RHOJ: variants seen among roughly 807,000 people sequenced by gnomAD.
RHOJ encodes ras homolog family member J, also known as rho-related GTP-binding protein RhoJ.
RHOJ carries 11 observed loss-of-function variants against 23.4 expected under a neutral mutation model. That is an observed-to-expected ratio of 0.47 (90% CI 0.30 to 0.78). The LOEUF is 0.78. Among genes scored for constraint, RHOJ ranks in the 30% least tolerant of loss-of-function variants. The pLI is 0.08. For synonymous variants in RHOJ, 102 were observed against 102.7 expected (o/e 0.99, Z 0.04); for missense variants, 254 against 273.4 (o/e 0.93, Z 0.50).
intron 1 of RHOJ, among the ~76,000 whole-genome samples, chr14:63,241,386 T>C (rs1894881296): frequency 6.6e-6 from 1 of 152,168 alleles, no homozygotes; most frequent in Admixed American, 6.5e-5. Flanking sequence ...ACTAATCCCA[T>C]CAACAACTTG....
At chr14:63,243,571 C>T (rs976009179) in intron 1 of RHOJ, among the ~76,000 whole-genome samples, 6 of 152,130 alleles carry the variant, frequency 3.9e-5, no homozygotes, top group Admixed American at 1.3e-4. Flanking sequence ...AACTCCTGAC[C>T]TCAGGTGATC....
At chr14:63,222,008 G>A (rs1894505377) in intron 1 of RHOJ, among the ~76,000 whole-genome samples, 1 of 127,278 alleles carries the variant, frequency 7.9e-6, no homozygotes, top group Non-Finnish European at 1.5e-5. Context: ...GGTGTGTGAT[G>A]TTCGCCTTCC....
At position 63,281,015 on chromosome 14, in the gene RHOJ, T is replaced by C. The variant is rs1881879523; in HGVS notation, c.282T>C (p.Asp94=). The change falls in exon 3 of 5, where the codon GAT becomes GAC. Residue 94 remains aspartate, a synonymous_variant. Coordinates refer to ENST00000316754, the MANE Select transcript of RHOJ (RefSeq NM_020663.5). ...GGCCACTCTCCTACCCCAACACGGATGTGTTTTTGATCTGCTTCTCTGTCG... is the reference window on the plus strand; with the variant it reads ...GGCCACTCTCCTACCCCAACACGGACGTGTTTTTGATCTGCTTCTCTGTCG... ...QLRPLSYPNT[D]VFLICFSVVN... is the part of the protein sequence containing the mutation. The C allele has an allele frequency of 6.2e-7, 1 of 1,614,060 alleles. No individual in the cohort carries two copies. Among genetic ancestry groups the C allele is most frequent in the Admixed American group, 1.7e-5 (1 of 60,008 alleles).
intron 1 of RHOJ, among the ~76,000 whole-genome samples, chr14:63,253,692 T>C (rs1437822905): frequency 6.6e-6 from 1 of 152,188 alleles, no homozygotes; most frequent in Non-Finnish European, 1.5e-5. Flanking sequence ...GTTTCTAAGA[T>C]CATATGACAA....
At chr14:63,244,575 T>C (rs1221209354) in intron 1 of RHOJ, among the ~76,000 whole-genome samples, 1 of 152,160 alleles carries the variant, frequency 6.6e-6, no homozygotes, top group Non-Finnish European at 1.5e-5. Context: ...CAAAACTCTG[T>C]CTAAAACAAA....
chr14:63,266,667 G>A (rs757472090), intron 1 of RHOJ, among the ~76,000 whole-genome samples: 2 of 152,134 alleles, frequency 1.3e-5, no homozygotes, highest in Non-Finnish European at 2.9e-5. Context: ...TGTGGCTATT[G>A]TAAATGGGAT....
intron 4 of RHOJ, among the ~76,000 whole-genome samples, chr14:63,284,834 G>T (rs1454738868): frequency 6.6e-6 from 1 of 151,758 alleles, no homozygotes; most frequent in South Asian, 2.1e-4. Flanking sequence ...TGGGGAAGTT[G>T]TTTTTTTTCT....
intron 1 of RHOJ, among the ~76,000 whole-genome samples, chr14:63,210,658 A>G (rs1894215785): frequency 6.6e-6 from 1 of 152,154 alleles, no homozygotes; most frequent in South Asian, 2.1e-4. Flanking sequence ...TTTAGTTTTG[A>G]GTTTTGTAGC....
intron 1 of RHOJ, among the ~76,000 whole-genome samples, chr14:63,205,549 A>T (rs1316084161): frequency 6.6e-6 from 1 of 152,222 alleles, no homozygotes; most frequent in Non-Finnish European, 1.5e-5. Context: ...GTGCTATAAT[A>T]CTATAGTTTT....
intron 1 of RHOJ, among the ~76,000 whole-genome samples, chr14:63,259,782 C>T (rs1427415381): frequency 2.0e-5 from 3 of 152,028 alleles, no homozygotes; most frequent in Admixed American, 6.5e-5. Flanking sequence ...AATAAGGTTA[C>T]GTTATTTTTA....
intron 1 of RHOJ, among the ~76,000 whole-genome samples, chr14:63,235,843 T>C (rs1382196850): frequency 6.6e-6 from 1 of 152,206 alleles, no homozygotes; most frequent in East Asian, 1.9e-4. Flanking sequence ...AATCTTACCA[T>C]AGAACTTATC....
At position 63,209,865 on chromosome 14, in the gene RHOJ, A is replaced by G. The variant is rs182681225; in HGVS notation, c.178+4818A>G. ...TACAAAAATGTTTATTATATTTATT[A>G]TATTTCTGAACTATTTTATTCATAT... On this transcript the variant is annotated intron_variant, in intron 1 of 4. Transcript: ENST00000316754. Among the ~76,000 whole-genome samples, 64 of 151,976 alleles carry G rather than the reference A, an allele frequency of 4.2e-4. No homozygotes were observed. In the Middle Eastern group the frequency reaches 0.01, roughly 25 times the overall value.
At chr14:63,255,523 G>C (rs1205997267) in intron 1 of RHOJ, among the ~76,000 whole-genome samples, 1 of 152,090 alleles carries the variant, frequency 6.6e-6, no homozygotes, top group Non-Finnish European at 1.5e-5. Flanking sequence ...ATCTGAAATA[G>C]AACCTTCACA....
intron 1 of RHOJ, among the ~76,000 whole-genome samples, chr14:63,226,515 A>G (rs1894596524): frequency 6.6e-6 from 1 of 151,480 alleles, no homozygotes; most frequent in South Asian, 2.1e-4. Flanking sequence ...GTTTAAAAGA[A>G]TTAGAGAGAA....
intron 1 of RHOJ, among the ~76,000 whole-genome samples, chr14:63,222,404 T>A (rs1346732360): frequency 2.0e-5 from 3 of 152,210 alleles, no homozygotes; most frequent in Non-Finnish European, 4.4e-5. Context: ...CGCCACACTG[T>A]CTTCCACAGT....
chr14:63,256,567 C>T (rs1374608725), intron 1 of RHOJ, among the ~76,000 whole-genome samples: 1 of 152,196 alleles, frequency 6.6e-6, no homozygotes, highest in Non-Finnish European at 1.5e-5. Context: ...TCCTTTGTCT[C>T]TTGGCCAGTC....
intron 1 of RHOJ, among the ~76,000 whole-genome samples, chr14:63,227,751 G>A (rs1263764843): frequency 6.6e-6 from 1 of 152,206 alleles, no homozygotes; most frequent in Non-Finnish European, 1.5e-5. Context: ...TGAGACTGCT[G>A]GATCTGACAA....
At chr14:63,236,748 AAC>A (rs59297455) in intron 1 of RHOJ, among the ~76,000 whole-genome samples, 5,459 of 138,078 alleles carry the variant, frequency 0.04, 139 homozygotes, top group African/African-American at 0.074. Context: ...AGAGGCTTGA[AAC>A]ACACACACAC....
intron 4 of RHOJ, chr14:63,288,437 C>A: frequency 1.5e-6 from 1 of 646,122 alleles, no homozygotes; most frequent in Non-Finnish European, 1.9e-6. Context: ...TAGGTATTTT[C>A]CAGACAAGTG....
Sources: allele counts gnomAD v4.1 joint callset (sites outside exome capture counted in the v4.1 genomes callset), GRCh38; gene constraint gnomAD v4.1.1; transcripts MANE v1.5; gene names NCBI Gene and HGNC (gene_info 2026-07-23, HGNC 2026-07-21).